Variants in TNR observed in about 807,000 individuals in gnomAD.
TNR encodes tenascin R, also known as tenascin-R.
TNR carries 45 observed loss-of-function variants against 150.4 expected under a neutral mutation model. That is an observed-to-expected ratio of 0.30 (90% CI 0.24 to 0.38). The LOEUF is 0.38. TNR is among the 10% of genes least tolerant of loss of function. TNR has a pLI of 1.00. For missense variants in TNR, 1,544 were observed against 1,759.1 expected (o/e 0.88, Z 2.19); for synonymous variants, 687 against 678.4 (o/e 1.01, Z -0.20).
At position 175,627,954 on chromosome 1, in the gene TNR, A is replaced by G. The variant is rs556065836; in HGVS notation, c.-164-99585T>C. On this transcript the variant is annotated intron_variant, in intron 1 of 22. Transcript: ENST00000367674. ...GCAGTCTCAGCTGCCCCAATCCACG[A>G]TAGTCAGAATGAGCCAGGACCACTG... 2.0e-5 allele frequency among the ~76,000 whole-genome samples: 3 copies of G among 152,316 alleles called. No homozygotes were observed. In the South Asian group the frequency reaches 6.2e-4, roughly 32 times the overall value.
At chr1:175,636,265 A>G (rs1282329798) in intron 1 of TNR, among the ~76,000 whole-genome samples, 1 of 152,204 alleles carries the variant, frequency 6.6e-6, no homozygotes, top group Non-Finnish European at 1.5e-5. Flanking sequence ...TGGTGATAAT[A>G]AAAATAGCTA....
intron 1 of TNR, among the ~76,000 whole-genome samples, chr1:175,694,086 C>T (rs1666446237): frequency 6.6e-6 from 1 of 152,126 alleles, no homozygotes; most frequent in African/African-American, 2.4e-5. Flanking sequence ...TCTAGTTTTA[C>T]CCATGTCCTC....
At chr1:175,487,002 C>A (rs1242513530) in intron 2 of TNR, among the ~76,000 whole-genome samples, 1 of 152,104 alleles carries the variant, frequency 6.6e-6, no homozygotes. Flanking sequence ...TGTTTAAGTT[C>A]TTTGTAGATT....
chr1:175,487,777 GT>G (rs2102135415), intron 2 of TNR, among the ~76,000 whole-genome samples: 1 of 152,230 alleles, frequency 6.6e-6, no homozygotes, highest in Non-Finnish European at 1.5e-5. Context: ...TACGTGGTAA[GT>G]TTCCAAAAAA....
intron 2 of TNR, among the ~76,000 whole-genome samples, chr1:175,452,861 A>G (rs78625373): frequency 0.027 from 4,182 of 152,304 alleles, 190 homozygotes; most frequent in African/African-American, 0.095. Flanking sequence ...ACCATAGCAT[A>G]CTATTCAGTC....
At chr1:175,671,936 T>TGTGTGTGTGTGTGTGG (rs1665713119) in intron 1 of TNR, among the ~76,000 whole-genome samples, 1 of 151,688 alleles carries the variant, frequency 6.6e-6, no homozygotes, top group Non-Finnish European at 1.5e-5. Flanking sequence ...TGTGTGTGTG[T>TGTGTGTGTGTGTGTGG]GTGTGTGTGT....
At chr1:175,728,876 T>A (rs1275036597) in intron 1 of TNR, among the ~76,000 whole-genome samples, 1 of 152,204 alleles carries the variant, frequency 6.6e-6, no homozygotes, top group Non-Finnish European at 1.5e-5. Flanking sequence ...CATTGTTTCC[T>A]CCTACTTAAG....
At chr1:175,410,549 A>G (rs1654167770) in intron 2 of TNR, among the ~76,000 whole-genome samples, 1 of 152,194 alleles carries the variant, frequency 6.6e-6, no homozygotes, top group Non-Finnish European at 1.5e-5. Flanking sequence ...TGGGGTGGCC[A>G]TCAGTGTCGT....
Position 175,569,573 on chromosome 1 carries a change from T to G in TNR, c.-164-41204A>C, listed in dbSNP as rs115911721. On this transcript the variant is annotated intron_variant, in intron 1 of 22. Transcript: ENST00000367674. Reference sequence around the variant, plus strand: ...TATCACTCTGTGATGAAATTTGTGGTTTTTGCAGTTTTGTTTTGACCGGTA... The same window carrying G: ...TATCACTCTGTGATGAAATTTGTGGGTTTTGCAGTTTTGTTTTGACCGGTA... Among the ~76,000 whole-genome samples the G allele has an allele frequency of 7.9e-3, 1,196 of 152,216 alleles. 13 individuals are homozygous for G. Among genetic ancestry groups the G allele is most frequent in the African/African-American group, 0.027 (1,134 of 41,538 alleles).
rs996106577 is a variant in TNR, at chr1:175,628,420, C to T, written c.-164-100051G>A. 3.3e-5 allele frequency among the ~76,000 whole-genome samples: 5 copies of T among 151,528 alleles called. No individual in the cohort carries two copies. In the East Asian group the frequency reaches 7.8e-4, roughly 24 times the overall value. ...AGGAGATATACCTAATGCTAAATGA[C>T]GAGTTAATGGGTGCAGCACACCAGC... On this transcript the variant is annotated intron_variant, in intron 1 of 22. Coordinates refer to ENST00000367674, the MANE Select transcript of TNR (RefSeq NM_003285.3).
At chr1:175,353,851 A>ATTT (rs55981326) in intron 18 of TNR, among the ~76,000 whole-genome samples, 2,981 of 146,194 alleles carry the variant, frequency 0.02, 60 homozygotes, top group Middle Eastern at 0.059. Context: ...ATTTTTATTT[A>ATTT]TTTTTTTTTT....
At chr1:175,328,539 T>C (rs138794318) in intron 21 of TNR, among the ~76,000 whole-genome samples, 13 of 152,282 alleles carry the variant, frequency 8.5e-5, no homozygotes, top group African/African-American at 2.6e-4. Context: ...AACCATTGTG[T>C]GGTGTTGCCT....
In TNR at chr1:175,517,054, AG is replaced by A. The variant is rs1557981565; in HGVS notation, c.-64+11214del. On this transcript the variant is annotated intron_variant, in intron 2 of 22. Transcript: ENST00000367674. ...GAGAGAGAGAGAGAGAGAGAGAGAG[AG>A]AGAAAGAGAGAGAGACCTTCAAATA... 5.6e-3 allele frequency among the ~76,000 whole-genome samples: 759 copies of A among 134,626 alleles called. 2 individuals are homozygous for A. Among genetic ancestry groups the A allele is most frequent in the African/African-American group, 0.021 (716 of 33,386 alleles). 88.3% of individuals were successfully genotyped at this position (134,626 alleles called of 152,430 possible).
At chr1:175,505,364 C>T (rs1300175691) in intron 2 of TNR, among the ~76,000 whole-genome samples, 1 of 152,220 alleles carries the variant, frequency 6.6e-6, no homozygotes, top group East Asian at 1.9e-4. Context: ...CTGAGAGATC[C>T]CTACCCAGGG....
chr1:175,675,824 C>T (rs1219583148), intron 1 of TNR, among the ~76,000 whole-genome samples: 1 of 152,036 alleles, frequency 6.6e-6, no homozygotes, highest in Non-Finnish European at 1.5e-5. Flanking sequence ...GCTCCATGTA[C>T]AGGGGTGGGG....
At chr1:175,547,239 T>C (rs1660726637) in intron 1 of TNR, among the ~76,000 whole-genome samples, 1 of 152,202 alleles carries the variant, frequency 6.6e-6, no homozygotes, top group South Asian at 2.1e-4. Flanking sequence ...TCTGCCCCAG[T>C]GTCCTCCACA....
intron 1 of TNR, among the ~76,000 whole-genome samples, chr1:175,738,589 T>C (rs1423785106): frequency 3.9e-5 from 6 of 152,198 alleles, no homozygotes; most frequent in Non-Finnish European, 8.8e-5. Flanking sequence ...AAATGGATGA[T>C]GGTGATGATG....
intron 1 of TNR, among the ~76,000 whole-genome samples, chr1:175,619,504 T>C (rs1234763782): frequency 2.6e-5 from 4 of 152,112 alleles, no homozygotes; most frequent in African/African-American, 9.7e-5. Context: ...AGCAGGCTCA[T>C]TAGTCTATCA....
intron 2 of TNR, among the ~76,000 whole-genome samples, chr1:175,505,806 C>T (rs576079731): frequency 6.6e-6 from 1 of 152,202 alleles, no homozygotes; most frequent in Non-Finnish European, 1.5e-5. Flanking sequence ...TTTGGGAGGC[C>T]GAGGTGGGTG....
Sources: gnomAD v4.1 joint callset for allele counts (sites outside exome capture counted in the v4.1 genomes callset) on GRCh38, gnomAD v4.1.1 for gene constraint, MANE v1.5 for transcripts, NCBI Gene and HGNC (gene_info 2026-07-23, HGNC 2026-07-21) for gene names.